The following CPQ variants were observed in gnomAD, a reference collection of about 807,000 sequenced individuals.
CPQ encodes Ser-Met dipeptidase.
CPQ carries 37 observed loss-of-function variants against 45.7 expected under a neutral mutation model. That is an observed-to-expected ratio of 0.81 (90% CI 0.62 to 1.07). The LOEUF is 1.07. Among genes scored for constraint, CPQ ranks in the 50% least tolerant of loss-of-function variants. CPQ has a pLI of 0.00. For synonymous variants in CPQ, 186 were observed against 205.8 expected (o/e 0.90, Z 0.82); for missense variants, 537 against 572.9 (o/e 0.94, Z 0.64).
intron 6 of CPQ, among the ~76,000 whole-genome samples, chr8:97,057,418 C>A (rs989356612): frequency 6.6e-6 from 1 of 152,066 alleles, no homozygotes; most frequent in Non-Finnish European, 1.5e-5. Context: ...TAATTACTCC[C>A]CTTAGAACTG....
intron 1 of CPQ, among the ~76,000 whole-genome samples, chr8:96,651,816 G>T (rs1815579979): frequency 6.6e-6 from 1 of 151,896 alleles, no homozygotes; most frequent in Non-Finnish European, 1.5e-5. Context: ...GCATTAATAA[G>T]TTCTTTTTTA....
intron 3 of CPQ, among the ~76,000 whole-genome samples, chr8:96,867,430 T>C (rs1812009482): frequency 6.6e-6 from 1 of 152,026 alleles, no homozygotes; most frequent in East Asian, 1.9e-4. Flanking sequence ...AATATTAAGC[T>C]GACACTTTAT....
intron 1 of CPQ, among the ~76,000 whole-genome samples, chr8:96,674,770 G>A (rs1407062085): frequency 2.6e-5 from 4 of 152,064 alleles, no homozygotes; most frequent in Admixed American, 6.6e-5. Context: ...AATAAGAAGC[G>A]CCTTTGAAAA....
intron 2 of CPQ, among the ~76,000 whole-genome samples, chr8:96,790,698 G>T (rs1810835182): frequency 6.6e-6 from 1 of 152,132 alleles, no homozygotes; most frequent in South Asian, 2.1e-4. Context: ...GAGGAAAGCA[G>T]ATCATGACCC....
At position 97,008,174 on chromosome 8, in the gene CPQ, T is replaced by A. The variant is rs1187363881; in HGVS notation, c.962-21229T>A. ...AATCCATTTAATATCAGTTATCACT[T>A]GAAGAATTTAAAGACAGAATTATTT... On this transcript the variant is annotated intron_variant, in intron 5 of 7. Transcript: ENST00000220763. 2.0e-5 allele frequency among the ~76,000 whole-genome samples: 3 copies of A among 152,144 alleles called. No individual in the cohort carries two copies. The East Asian group carries it at 5.8e-4, about 29-fold the overall frequency.
intron 1 of CPQ, among the ~76,000 whole-genome samples, chr8:96,729,882 A>G (rs1457562320): frequency 1.3e-5 from 2 of 152,100 alleles, no homozygotes; most frequent in Admixed American, 1.3e-4. Flanking sequence ...GGCATGTGAC[A>G]TGGAGCTGTG....
At chr8:97,076,401 A>G (rs771458793) in intron 7 of CPQ, among the ~76,000 whole-genome samples, 44 of 152,296 alleles carry the variant, frequency 2.9e-4, no homozygotes, top group South Asian at 8.3e-4. Context: ...TTAATATCAT[A>G]TCCAATATAT....
chr8:96,689,098 A>T (rs1003593514), intron 1 of CPQ, among the ~76,000 whole-genome samples: 1 of 152,220 alleles, frequency 6.6e-6, no homozygotes, highest in Non-Finnish European at 1.5e-5. Context: ...CTCATGACTC[A>T]TTGGACAGAA....
chr8:96,971,064 A>G (rs1813667843), intron 5 of CPQ, among the ~76,000 whole-genome samples: 1 of 152,198 alleles, frequency 6.6e-6, no homozygotes, highest in Non-Finnish European at 1.5e-5. Context: ...CTCCGTGGGT[A>G]TAGCGTACTT....
At chr8:96,673,184 T>TGCAGCAAC (rs1809030075) in intron 1 of CPQ, among the ~76,000 whole-genome samples, 1 of 151,976 alleles carries the variant, frequency 6.6e-6, no homozygotes, top group Non-Finnish European at 1.5e-5. Flanking sequence ...CACAAAGCAA[T>TGCAGCAAC]GAAAGAATGC....
intron 1 of CPQ, among the ~76,000 whole-genome samples, chr8:96,671,430 C>A (rs371490148): frequency 6.6e-6 from 1 of 152,170 alleles, no homozygotes; most frequent in Admixed American, 6.5e-5. Flanking sequence ...TGTAAAGTAG[C>A]ATTTGTAATC....
intron 4 of CPQ, among the ~76,000 whole-genome samples, chr8:96,936,311 G>A (rs1204714103): frequency 6.6e-6 from 1 of 152,084 alleles, no homozygotes; most frequent in African/African-American, 2.4e-5. Context: ...TTTAGAAATT[G>A]TTTTCAGGTC....
chr8:96,990,786 C>T (rs1809079827), intron 5 of CPQ, among the ~76,000 whole-genome samples: 1 of 152,282 alleles, frequency 6.6e-6, no homozygotes, highest in East Asian at 1.9e-4. Context: ...CTGGTAAATG[C>T]TCAACATAGA....
At chr8:97,079,273 T>G (rs1810907597) in intron 7 of CPQ, among the ~76,000 whole-genome samples, 1 of 152,196 alleles carries the variant, frequency 6.6e-6, no homozygotes, top group African/African-American at 2.4e-5. Flanking sequence ...TACTATTGCC[T>G]GTTCTTTCTT....
chr8:97,025,063 T>C (rs896871300), intron 5 of CPQ, among the ~76,000 whole-genome samples: 9 of 152,234 alleles, frequency 5.9e-5, no homozygotes, highest in African/African-American at 2.2e-4. Context: ...TTAGGAAAGC[T>C]GTCTACAAAG....
chr8:96,861,261 C>T (rs949605624), intron 3 of CPQ, among the ~76,000 whole-genome samples: 1 of 152,028 alleles, frequency 6.6e-6, no homozygotes, highest in African/African-American at 2.4e-5. Context: ...AAATTATATG[C>T]CCAGTTGTCT....
intron 4 of CPQ, among the ~76,000 whole-genome samples, chr8:96,955,981 A>G (rs930512874): frequency 6.6e-6 from 1 of 152,186 alleles, no homozygotes; most frequent in Admixed American, 6.5e-5. Flanking sequence ...CTTCATGTCT[A>G]AAACACCAAA....
intron 2 of CPQ, among the ~76,000 whole-genome samples, chr8:96,790,694 A>G (rs1387817736): frequency 6.6e-6 from 1 of 152,148 alleles, no homozygotes; most frequent in Non-Finnish European, 1.5e-5. Flanking sequence ...GGGAGAGGAA[A>G]GCAGATCATG....
chr8:96,841,436 G>A (rs1023979446), intron 3 of CPQ, among the ~76,000 whole-genome samples: 4 of 152,146 alleles, frequency 2.6e-5, no homozygotes, highest in Non-Finnish European at 4.4e-5. Flanking sequence ...AATTCAAAAG[G>A]TAACTCTACT....
Sources: allele counts gnomAD v4.1 joint callset (sites outside exome capture counted in the v4.1 genomes callset), GRCh38; gene constraint gnomAD v4.1.1; transcripts MANE v1.5; gene names NCBI Gene and HGNC (gene_info 2026-07-23, HGNC 2026-07-21).